Variants in NPAS3 observed in about 807,000 individuals in gnomAD.
NPAS3 encodes the protein neuronal PAS domain protein 3, also known as neuronal PAS domain-containing protein 3.
NPAS3 carries 14 observed loss-of-function variants against 73.1 expected under a neutral mutation model. The ratio of observed to expected loss-of-function variants is 0.19; its 90% CI spans 0.13 to 0.30. The LOEUF (loss-of-function observed/expected upper bound fraction) is 0.30. Among genes scored for constraint, NPAS3 ranks in the 10% least tolerant of loss-of-function variants. NPAS3 has a pLI of 1.00. For missense variants in NPAS3, 1,096 were observed against 1,250.0 expected (o/e 0.88, Z 1.86); for synonymous variants, 620 against 541.5 (o/e 1.14, Z -2.01).
intron 2 of NPAS3, among the ~76,000 whole-genome samples, chr14:33,185,275 G>T (rs192526749): frequency 6.6e-6 from 1 of 152,102 alleles, no homozygotes; most frequent in Non-Finnish European, 1.5e-5. Context: ...TATTTGTGGC[G>T]TTATCTGCCT....
chr14:33,441,891 T>C (rs1030491511), intron 4 of NPAS3, among the ~76,000 whole-genome samples: 3 of 152,092 alleles, frequency 2.0e-5, no homozygotes, highest in Non-Finnish European at 2.9e-5. Context: ...AAGAACAACA[T>C]GGGAAAGACC....
At chr14:33,333,640 T>G (rs531767576) in intron 3 of NPAS3, among the ~76,000 whole-genome samples, 1 of 152,202 alleles carries the variant, frequency 6.6e-6, no homozygotes, top group Admixed American at 6.5e-5. Context: ...CTTGAGAGAG[T>G]GTGCTCATTT....
At chr14:33,586,909 A>G (rs185317983) in intron 5 of NPAS3, among the ~76,000 whole-genome samples, 2 of 152,304 alleles carry the variant, frequency 1.3e-5, no homozygotes, top group East Asian at 1.9e-4. Context: ...TTTGGAGAAT[A>G]TAGAGTTTGG....
chr14:33,544,794 A>ATTT (rs1555409869), intron 4 of NPAS3, among the ~76,000 whole-genome samples: 1 of 107,866 alleles, frequency 9.3e-6, no homozygotes, highest in Non-Finnish European at 1.8e-5. Context: ...TGTATTATAT[A>ATTT]TATATATATA....
intron 1 of NPAS3, among the ~76,000 whole-genome samples, chr14:33,029,282 T>C (rs1018057288): frequency 2.6e-5 from 4 of 152,180 alleles, no homozygotes; most frequent in African/African-American, 9.7e-5. Flanking sequence ...GGGAAGAGGA[T>C]AGAGTCAGTT....
At chr14:33,785,764 A>G (rs1226662179) in intron 9 of NPAS3, among the ~76,000 whole-genome samples, 2 of 152,162 alleles carry the variant, frequency 1.3e-5, no homozygotes, top group African/African-American at 4.8e-5. Context: ...CTGGCTTCCT[A>G]GAACTTTTGG....
rs754446145 is a variant in NPAS3 at position 33,486,144 on chromosome 14, A to AT, written c.469-73963dup. On this transcript the variant is annotated intron_variant, in intron 4 of 11. Coordinates refer to ENST00000356141, the Ensembl canonical transcript of NPAS3. ...CATCTTTTACCCATGGAAGGAATGC[A>AT]TTTTTTTTTTTTTTAATTCTCACAA... Among the ~76,000 whole-genome samples the AT allele has an allele frequency of 8.6e-3, 1,232 of 142,794 alleles. 11 individuals are homozygous for AT. The highest frequency in any genetic ancestry group is 0.027 in the African/African-American group (1,045 of 38,908). The allele number at this position is 142,794 out of a possible 152,430, so 93.7% of individuals were successfully genotyped here. A position where few individuals can be genotyped will look rare whatever the true frequency, so the allele number is the denominator to read the frequency against.
At chr14:33,510,687 G>A (rs1476105312) in intron 4 of NPAS3, among the ~76,000 whole-genome samples, 1 of 152,060 alleles carries the variant, frequency 6.6e-6, no homozygotes, top group Non-Finnish European at 1.5e-5. Context: ...CAGGTGTAGT[G>A]CGTTACACTA....
intron 2 of NPAS3, 114 bp downstream of exon 2, chr14:33,056,108 G>A: frequency 2.5e-6 from 1 of 396,528 alleles, no homozygotes; most frequent in Non-Finnish European, 4.1e-6. Flanking sequence ...ATTTAGTGGG[G>A]GAGAAAAAAA....
chr14:33,738,053 C>G (rs183649576), intron 7 of NPAS3, among the ~76,000 whole-genome samples: 1 of 152,304 alleles, frequency 6.6e-6, no homozygotes, highest in African/African-American at 2.4e-5. Context: ...AAAAGTACCA[C>G]TTACTGAACA....
At chr14:33,025,930 T>C (rs2039785478) in intron 1 of NPAS3, among the ~76,000 whole-genome samples, 1 of 152,192 alleles carries the variant, frequency 6.6e-6, no homozygotes, top group African/African-American at 2.4e-5. Flanking sequence ...AATGAACTAA[T>C]ACAGTTGCCA....
chr14:33,566,395 G>A (rs1312162967), intron 5 of NPAS3, among the ~76,000 whole-genome samples: 1 of 152,038 alleles, frequency 6.6e-6, no homozygotes, highest in Non-Finnish European at 1.5e-5. Flanking sequence ...GATCCTTGGG[G>A]GAAAAAGTTC....
intron 7 of NPAS3, among the ~76,000 whole-genome samples, chr14:33,745,959 C>T (rs2061778073): frequency 6.6e-6 from 1 of 151,938 alleles, no homozygotes; most frequent in African/African-American, 2.4e-5. Context: ...AGGGAAAGGA[C>T]CAATTTGAGG....
chr14:33,513,863 T>C (rs1271081698), intron 4 of NPAS3, among the ~76,000 whole-genome samples: 2 of 152,016 alleles, frequency 1.3e-5, no homozygotes, highest in Non-Finnish European at 2.9e-5. Context: ...GATGAATGTA[T>C]TTTTTCCCCA....
At position 33,800,596 on chromosome 14, in the gene NPAS3, CGGCGGGGGCGGG is replaced by C. The variant is rs761517715; in HGVS notation, c.2301_2312del (p.Gly769_Gly772del). ...CGCGGGACAAGCACCCCGGGAACGGCGGCGGGGGCGGGGGCGGGGGCGGCGGCGCGGGGGGCG... is the reference window on the plus strand; with the variant it reads ...CGCGGGACAAGCACCCCGGGAACGGCGGCGGGGGCGGCGGCGCGGGGGGCG... On this transcript the variant is annotated inframe_deletion, in exon 12 of 12. Transcript: ENST00000356141. This position sits in a 1 kb window ranked among gnomAD's most constrained non-coding sequence, Gnocchi z 6.5. The C allele has an allele frequency of 1.5e-4, 195 of 1,299,990 alleles. No homozygotes were observed. The African/African-American group carries it at 2.0e-3, about 13-fold the overall frequency. The allele number at this position is 1,299,990 out of a possible 1,614,324, so 80.5% of individuals were successfully genotyped here. A position where few individuals can be genotyped will look rare whatever the true frequency, so the allele number is the denominator to read the frequency against.
chr14:33,672,023 A>C (rs1470657131), intron 5 of NPAS3, among the ~76,000 whole-genome samples: 1 of 152,206 alleles, frequency 6.6e-6, no homozygotes, highest in African/African-American at 2.4e-5. Context: ...GGTGATATCA[A>C]GGGATAGTTA....
At chr14:33,447,519 C>T (rs1019052998) in intron 4 of NPAS3, among the ~76,000 whole-genome samples, 2 of 152,104 alleles carry the variant, frequency 1.3e-5, no homozygotes, top group African/African-American at 2.4e-5. Flanking sequence ...TTTAGACATG[C>T]AACTATAACA....
intron 3 of NPAS3, among the ~76,000 whole-genome samples, chr14:33,276,602 A>T (rs2044822860): frequency 6.6e-6 from 1 of 152,102 alleles, no homozygotes; most frequent in Non-Finnish European, 1.5e-5. Flanking sequence ...TAAATAAGTT[A>T]CTTCTTTTTT....
intron 2 of NPAS3, among the ~76,000 whole-genome samples, chr14:33,205,422 G>T (rs896543381): frequency 6.6e-6 from 1 of 152,050 alleles, no homozygotes; most frequent in Non-Finnish European, 1.5e-5. Context: ...AAGTTAGCAT[G>T]GGCCTAAAGT....
Sources: gnomAD v4.1 joint callset for allele counts (sites outside exome capture counted in the v4.1 genomes callset) on GRCh38, gnomAD v4.1.1 for gene constraint, Gnocchi (gnomAD v3.1) non-coding constraint, MANE v1.5 for transcripts, NCBI Gene and HGNC (gene_info 2026-07-23, HGNC 2026-07-21) for gene names.